FAT2: variants seen among roughly 807,000 people sequenced by gnomAD.
The protein encoded by FAT2 is protocadherin Fat 2.
Under a neutral mutation model 295.3 loss-of-function variants are expected in FAT2, and 150 were observed. The observed-to-expected ratio is 0.51, with a 90% CI of 0.44 to 0.58. The LOEUF is 0.58. Ranked by LOEUF, FAT2 falls within the 20% of genes least tolerant of loss-of-function variation. The pLI is 0.00. For synonymous variants in FAT2, 2,026 were observed against 2,150.3 expected (o/e 0.94, Z 1.60); for missense variants, 4,868 against 5,442.7 (o/e 0.89, Z 3.32).
rs2127579420 is a variant in FAT2, at chr5:151,521,421, C to T, written c.11172G>A (p.Met3724Ile). 6.2e-7 allele frequency: 1 copy of T among 1,614,210 alleles called. No individual in the cohort carries two copies. The highest frequency in any genetic ancestry group is 1.3e-5 in the African/African-American group (1 of 75,056). The part of the protein sequence containing the change: ...VGVQMRSAMP[M>I]VPCQGPTCQG... Reference sequence around the variant, plus strand: ...GGCAGGTTGGCCCCTGGCAGGGCACCATGGGCATAGCTGACCGCATCTGAA... The same window carrying T: ...GGCAGGTTGGCCCCTGGCAGGGCACTATGGGCATAGCTGACCGCATCTGAA... Residue 3724 changes from methionine to isoleucine, a missense_variant, in exon 19 of 24, where the codon ATG becomes ATA. By Grantham distance (10) the Met-to-Ile change is conservative (BLOSUM62 1). Transcript: ENST00000261800.
chr5:151,571,251 G>A (rs146619319), intron 1 of FAT2, among the ~76,000 whole-genome samples: 148 of 152,138 alleles, frequency 9.7e-4, no homozygotes, highest in African/African-American at 3.4e-3. Flanking sequence ...AGAAGGGGAC[G>A]CCTGAGTCAT....
At position 151,512,536 on chromosome 5, in the gene FAT2, C is replaced by T. The variant is rs542812365; in HGVS notation, c.11534G>A (p.Arg3845His). 38 of 1,614,144 alleles carry T rather than the reference C, an allele frequency of 2.4e-5. No homozygotes were observed. The highest frequency in any genetic ancestry group is 1.0e-4 in the Admixed American group (6 of 60,022). The change falls in exon 21 of 24, where the codon CGC becomes CAC. Residue 3845 changes from arginine to histidine, a missense_variant. By Grantham distance (29) the Arg-to-His change is conservative. Coordinates refer to ENST00000261800, the MANE Select transcript of FAT2 (RefSeq NM_001447.3). This position sits in a 1 kb window ranked among gnomAD's most constrained non-coding sequence, Gnocchi z 4.1. The stretch of plus-strand genomic sequence containing the variant: ...GTGCCACTCGTGGTCATTCACATGG[C>T]GCTGGGAGGAAAGGTTTCCATAGAA... ...GGFYGNLSSQ[R>H]HVNDHEWHSI...
chr5:151,570,277 A>T (rs1341644811), intron 1 of FAT2, among the ~76,000 whole-genome samples: 1 of 152,154 alleles, frequency 6.6e-6, no homozygotes, highest in Non-Finnish European at 1.5e-5. Context: ...TCATCATGTA[A>T]CCTGGAACAT....
chr5:151,511,828 T>A lies in FAT2; in HGVS notation c.11905+337A>T. On this transcript the variant is annotated intron_variant, in intron 21 of 23. Transcript: ENST00000261800. The stretch of plus-strand genomic sequence containing the variant: ...CTAGTGTTAGGGAAGGGGAAGGGAG[T>A]GGAATATAAGTTAAAGGGGAATGAG... The A allele has an allele frequency of 2.0e-5, 5 of 244,726 alleles. No individual in the cohort carries two copies. The South Asian group carries it at 3.5e-4, about 17-fold the overall frequency. The allele number at this position is 244,726 out of a possible 1,614,324, so 15.2% of individuals were successfully genotyped here. A position where few individuals can be genotyped will look rare whatever the true frequency, so the allele number is the denominator to read the frequency against.
upstream of FAT2, among the ~76,000 whole-genome samples, chr5:151,593,526 C>T (rs1209446069): frequency 6.6e-6 from 1 of 152,178 alleles, no homozygotes; most frequent in East Asian, 1.9e-4. Flanking sequence ...CTCCAGTCTC[C>T]CATGCACCAG....
chr5:151,568,271 C>G lies in FAT2; in HGVS notation c.661G>C (p.Val221Leu), dbSNP rs771658642. 1 of 1,614,102 alleles carries G rather than the reference C, an allele frequency of 6.2e-7. No individual in the cohort carries two copies. The highest frequency in any genetic ancestry group is 1.3e-5 in the African/African-American group (1 of 74,940). Residue 221 changes from valine (V) to leucine (L), a missense_variant, in exon 2 of 24, where the codon GTG becomes CTG. Physicochemically the swap from Val to Leu is conservative, Grantham distance 32. Transcript: ENST00000261800. ...VTWRGKHELQVLAVDRMRKIS... is the reference protein window; with the variant it reads ...VTWRGKHELQLLAVDRMRKIS... Reference sequence around the variant, plus strand: ...TTCCGCATGCGGTCCACAGCTAGCACCTGGAGCTCATGCTTTCCTCGCCAG... The same window carrying G: ...TTCCGCATGCGGTCCACAGCTAGCAGCTGGAGCTCATGCTTTCCTCGCCAG...
intron 22 of FAT2, 76 bp downstream of exon 22, chr5:151,509,945 G>A: frequency 2.0e-6 from 3 of 1,530,302 alleles, no homozygotes; most frequent in Non-Finnish European, 2.7e-6. Context: ...GCCTCCCATT[G>A]GACTTTCTAG....
At chr5:151,527,960 A>G in intron 16 of FAT2, 36 bp downstream of exon 16, 1 of 1,608,856 alleles carries the variant, frequency 6.2e-7, no homozygotes, top group Non-Finnish European at 8.5e-7. Flanking sequence ...TCTCTGCTCT[A>G]ATGAGCTCAG....
chr5:151,541,336 A>T (rs1052306510), intron 10 of FAT2, among the ~76,000 whole-genome samples: 2 of 152,380 alleles, frequency 1.3e-5, no homozygotes, highest in Admixed American at 1.3e-4. Flanking sequence ...CCAAGAATTG[A>T]TAACATGTTG....
At chr5:151,562,862 G>GTGC (rs1561870992) in intron 3 of FAT2, among the ~76,000 whole-genome samples, 1 of 152,172 alleles carries the variant, frequency 6.6e-6, no homozygotes, top group Non-Finnish European at 1.5e-5. Context: ...GACAACATAA[G>GTGC]TGGATTCACA....
At position 151,540,901 on chromosome 5, in the gene FAT2, C is replaced by T. The variant is rs911736496; in HGVS notation, c.8843-138G>A. ...ATTTCCTTCCTTAACTAGGAACCCA[C>T]GATTCTACACTGAGTCCACTTTTTG... On this transcript the variant is annotated intron_variant, in intron 10 of 23. Coordinates refer to ENST00000261800, the MANE Select transcript of FAT2 (RefSeq NM_001447.3). 14 of 670,860 alleles carry T rather than the reference C, an allele frequency of 2.1e-5. 1 individual carries two copies. Among genetic ancestry groups the T allele is most frequent in the South Asian group, 7.6e-5 (3 of 39,552 alleles). 41.6% of individuals were successfully genotyped at this position (670,860 alleles called of 1,614,324 possible). A position where few individuals can be genotyped will look rare whatever the true frequency, so the allele number is the denominator to read the frequency against.
At chr5:151,528,811 C>T (rs933680778) in intron 15 of FAT2, among the ~76,000 whole-genome samples, 3 of 152,066 alleles carry the variant, frequency 2.0e-5, no homozygotes, top group Non-Finnish European at 4.4e-5. Context: ...CAGTCCCTGC[C>T]CCACAACTGT....
chr5:151,538,284 T>A (rs1405760091), intron 11 of FAT2, among the ~76,000 whole-genome samples: 1 of 152,192 alleles, frequency 6.6e-6, no homozygotes, highest in East Asian at 1.9e-4. Flanking sequence ...CTGCTACAAT[T>A]TCTTCCACCC....
At chr5:151,511,912 G>A (rs1044809443) in intron 21 of FAT2, 3 of 532,238 alleles carry the variant, frequency 5.6e-6, no homozygotes, top group Non-Finnish European at 1.0e-5. Flanking sequence ...TCAACCCTCT[G>A]CCCCTGAGGT....
chr5:151,570,324 T>C (rs899851535), intron 1 of FAT2, among the ~76,000 whole-genome samples: 1 of 152,220 alleles, frequency 6.6e-6, no homozygotes, highest in African/African-American at 2.4e-5. Context: ...TGAGTTGAAA[T>C]GGACATTAGA....
At chr5:151,540,941 C>T (rs776232047) in intron 10 of FAT2, among the ~76,000 whole-genome samples, 178 bp from the exon 11 acceptor site, 8 of 152,240 alleles carry the variant, frequency 5.3e-5, no homozygotes, top group Admixed American at 1.3e-4. Context: ...TATGAAGCTA[C>T]TTCTACTTCA....
chr5:151,528,830 G>A (rs1033530524), intron 15 of FAT2, among the ~76,000 whole-genome samples: 6 of 152,098 alleles, frequency 3.9e-5, no homozygotes, highest in Non-Finnish European at 5.9e-5. Flanking sequence ...GTCATTCCAC[G>A]TCACCCGCTA....
At chr5:151,530,260 A>G (rs1754445089) in intron 14 of FAT2, among the ~76,000 whole-genome samples, 2 of 152,162 alleles carry the variant, frequency 1.3e-5, no homozygotes, top group Admixed American at 1.3e-4. Context: ...AGAAAAAAAA[A>G]AAAAAGCCAG....
rs1256070100 is a variant in FAT2, at chr5:151,553,212, T to A, written c.4121A>T (p.Glu1374Val). 1 of 1,614,244 alleles carries A rather than the reference T, an allele frequency of 6.2e-7. No homozygotes were observed. The highest frequency in any genetic ancestry group is 1.1e-5 in the South Asian group (1 of 91,088). The change falls in exon 6 of 24, where the codon GAG (glutamate) becomes GTG (valine). Residue 1374 changes from glutamate to valine, a missense_variant. By Grantham distance (121) the Glu-to-Val change is moderately radical. This residue lies in a region of FAT2 where 3,297 missense variants were observed against 3,669.4 expected (regional missense o/e 0.90). Transcript: ENST00000261800. ...VNHMVGVISVEGRPGLFWFNI... is the reference protein window; with the variant it reads ...VNHMVGVISVVGRPGLFWFNI... ...GAACCAGAAGAGTCCGGGTCTGCCC[T>A]CTACGCTGATGACCCCCACCATGTG...
Sources: allele counts gnomAD v4.1 joint callset (sites outside exome capture counted in the v4.1 genomes callset), GRCh38; gene constraint gnomAD v4.1.1; regional missense constraint gnomAD v4.1.1; non-coding constraint Gnocchi (gnomAD v3.1); transcripts MANE v1.5; gene names NCBI Gene and HGNC (gene_info 2026-07-23, HGNC 2026-07-21).